Variants in SRPX observed in about 807,000 individuals in gnomAD.
SRPX encodes sushi repeat containing protein X-linked.
Under a neutral mutation model 38.1 loss-of-function variants are expected in SRPX, and 24 were observed. The observed-to-expected ratio is 0.63, with a 90% CI of 0.46 to 0.89. The LOEUF (loss-of-function observed/expected upper bound fraction) is 0.89, where lower values mean the gene tolerates loss of function less well. Ranked by LOEUF, SRPX falls within the 40% of genes least tolerant of loss-of-function variation. SRPX has a pLI of 0.00. For synonymous variants in SRPX, 184 were observed against 153.8 expected, an observed-to-expected ratio of 1.20 and a Z score of -1.45; for missense variants, 416 against 377.8, an observed-to-expected ratio of 1.10 and a Z score of -0.84.
intron 5 of SRPX, among the ~76,000 whole-genome samples, chrX:38,164,183 C>T (rs766010431): frequency 2.2e-4 from 24 of 109,928 alleles, no homozygotes; most frequent in Non-Finnish European, 4.0e-4. Flanking sequence ...CACTCTGTCA[C>T]CCAGGCTGGA....
intron 2 of SRPX, among the ~76,000 whole-genome samples, chrX:38,177,276 A>G (rs748420832): frequency 1.8e-5 from 2 of 111,741 alleles, no homozygotes; most frequent in Non-Finnish European, 3.8e-5. Flanking sequence ...AACTATAGGT[A>G]GGAATGAGTA....
chrX:38,150,983 G>C (rs750171634), intron 9 of SRPX, among the ~76,000 whole-genome samples: 14 of 111,925 alleles, frequency 1.3e-4, no homozygotes, highest in Middle Eastern at 4.6e-3. Context: ...GATTATGTAT[G>C]AGGCAGAATA....
chrX:38,178,183 A>T (rs1938600174), intron 2 of SRPX, 102 bp downstream of exon 2: 3 of 527,351 alleles, frequency 5.7e-6, no homozygotes, highest in Non-Finnish European at 9.2e-6. Context: ...TAGAACTTAA[A>T]TGTGTTGTCT....
intron 1 of SRPX, among the ~76,000 whole-genome samples, chrX:38,212,952 A>G (rs1004839902): frequency 8.9e-6 from 1 of 111,903 alleles, no homozygotes; most frequent in South Asian, 3.8e-4. Flanking sequence ...ATGTGGCCAG[A>G]TGGGGGCCTC....
At chrX:38,185,362 T>C (rs1267418507) in intron 1 of SRPX, among the ~76,000 whole-genome samples, 1 of 111,999 alleles carries the variant, frequency 8.9e-6, no homozygotes, top group Non-Finnish European at 1.9e-5. Flanking sequence ...CCATAGGGTG[T>C]TTATTTGTGG....
intron 1 of SRPX, among the ~76,000 whole-genome samples, chrX:38,210,674 C>A (rs775663360): frequency 8.9e-6 from 1 of 112,519 alleles, no homozygotes; most frequent in Admixed American, 9.4e-5. Context: ...AAAACAGCAA[C>A]CTAGTTTTTA....
chrX:38,181,158 C>G (rs760460993), intron 1 of SRPX, among the ~76,000 whole-genome samples: 1 of 112,218 alleles, frequency 8.9e-6, no homozygotes, highest in Admixed American at 9.5e-5. Context: ...TAGAGCAAGG[C>G]AGACATCTGT....
chrX:38,170,946 A>C (rs1474386419), intron 4 of SRPX, among the ~76,000 whole-genome samples: 1 of 111,856 alleles, frequency 8.9e-6, no homozygotes, highest in Non-Finnish European at 1.9e-5. Flanking sequence ...TATTGAAAGC[A>C]ACATCTGTGA....
At chrX:38,163,895 C>T (rs1938310259) in intron 5 of SRPX, among the ~76,000 whole-genome samples, 1 of 111,595 alleles carries the variant, frequency 9.0e-6, no homozygotes, top group Non-Finnish European at 1.9e-5. Context: ...AGCACAAGAG[C>T]GGCAGCCTTT....
chrX:38,174,367 A>T lies in SRPX; in HGVS notation c.158-16T>A, dbSNP rs1938533485. ...CACGGGGTATCTACAAGTAGCAGAA[A>T]CAAAAGAGGAGATAAATATGAAATG... On this transcript the variant is annotated splice_polypyrimidine_tract_variant and intron_variant, in intron 2 of 9. Coordinates refer to ENST00000378533, the MANE Select transcript of SRPX (RefSeq NM_006307.5). 1.0e-6 allele frequency: 1 copy of T among 1,002,160 alleles called. No individual in the cohort carries two copies. Among genetic ancestry groups the T allele is most frequent in the African/African-American group, 2.0e-5 (1 of 51,028 alleles). The allele number at this position is 1,002,160 out of a possible 1,213,427, so 82.6% of individuals were successfully genotyped here.
At chrX:38,212,642 T>A (rs7883665) in intron 1 of SRPX, among the ~76,000 whole-genome samples, 1 of 110,417 alleles carries the variant, frequency 9.1e-6, no homozygotes, top group Non-Finnish European at 1.9e-5. Flanking sequence ...AGCTTTCTGT[T>A]TTGTTATTTT....
At position 38,151,909 on chromosome X, in the gene SRPX, T is replaced by C. The variant is rs371655866; in HGVS notation, c.1212-2015A>G. 6.3e-5 allele frequency among the ~76,000 whole-genome samples: 7 copies of C among 110,707 alleles called. No homozygotes were observed. In the East Asian group the frequency reaches 2.0e-3, roughly 32 times the overall value. On this transcript the variant is annotated intron_variant, in intron 9 of 9. Coordinates refer to ENST00000378533, the MANE Select transcript of SRPX (RefSeq NM_006307.5). ...CCTTGAGATTGCTGGAAAATTCCTCTGGAAAGCATGAATCAGATCATACCT... is the reference window on the plus strand; with the variant it reads ...CCTTGAGATTGCTGGAAAATTCCTCCGGAAAGCATGAATCAGATCATACCT...
intron 1 of SRPX, among the ~76,000 whole-genome samples, chrX:38,178,884 G>T (rs1315176952): frequency 9.1e-6 from 1 of 110,223 alleles, no homozygotes; most frequent in Non-Finnish European, 1.9e-5. Context: ...AATGAAGGCT[G>T]AAATAGACTA....
At position 38,220,843 on chromosome X, in the gene SRPX, CG is replaced by C. The variant is rs771314486; in HGVS notation, c.-52del. On this transcript the variant is annotated 5_prime_UTR_variant, in exon 1 of 10. Coordinates refer to ENST00000378533, the MANE Select transcript of SRPX (RefSeq NM_006307.5). ...GGCAGCGCAGCGCGCTTCCCGGGGGCGGCAGGAGACCGAAGAGACCAAGGGA... is the reference window on the plus strand; with the variant it reads ...GGCAGCGCAGCGCGCTTCCCGGGGGCGCAGGAGACCGAAGAGACCAAGGGA... 6.6e-6 allele frequency: 7 copies of C among 1,060,982 alleles called. No homozygotes were observed. The East Asian group carries it at 2.7e-4, about 40-fold the overall frequency. 87.4% of individuals were successfully genotyped at this position (1,060,982 alleles called of 1,213,427 possible). A position where few individuals can be genotyped will look rare whatever the true frequency, so the allele number is the denominator to read the frequency against.
Position 38,160,174 on chromosome X carries a change from A to T in SRPX, c.798T>A (p.Asn266Lys). Residue 266 changes from asparagine to lysine, a missense_variant, in exon 7 of 10, where the codon AAT (asparagine) becomes AAA (lysine). Asn to Lys is a moderately conservative substitution (Grantham distance 94, BLOSUM62 0). Coordinates refer to ENST00000378533, the MANE Select transcript of SRPX (RefSeq NM_006307.5). Reference protein sequence around the residue: ...KVRVKRCGKLNAPENGYMKCS... With the variant: ...KVRVKRCGKLKAPENGYMKCS... ...ACTTCATGTAACCATTCTCTGGGGC[A>T]TTGAGTTTGCCACAGCGTTTGACTG... The T allele has an allele frequency of 1.7e-6, 2 of 1,211,875 alleles. No homozygotes were observed. The highest frequency in any genetic ancestry group is 2.2e-6 in the Non-Finnish European group (2 of 895,484).
intron 9 of SRPX, 118 bp downstream of exon 9, chrX:38,154,344 A>G: frequency 3.2e-5 from 27 of 834,118 alleles, no homozygotes; most frequent in Non-Finnish European, 4.5e-5. Flanking sequence ...CCAGAATAAA[A>G]GCAATTAAAC....
chrX:38,169,286 A>C (rs1938422491), intron 4 of SRPX, among the ~76,000 whole-genome samples: 1 of 112,032 alleles, frequency 8.9e-6, no homozygotes, highest in Non-Finnish European at 1.9e-5. Flanking sequence ...TCTTAGCCCT[A>C]CTGATGTTTG....
intron 1 of SRPX, among the ~76,000 whole-genome samples, chrX:38,200,732 C>T (rs1238251706): frequency 2.7e-5 from 3 of 111,843 alleles, no homozygotes; most frequent in Non-Finnish European, 5.6e-5. Context: ...TTAATCTATT[C>T]ATGAAGGCAG....
At position 38,160,067 on chromosome X, in the gene SRPX, C is replaced by G; in HGVS notation, c.905G>C (p.Arg302Pro). ...GGYELQGSPARVCQSNLAWSG... is the reference protein window; with the variant it reads ...GGYELQGSPAPVCQSNLAWSG... ...CCAAGCCAGGTTGGATTGACATACT[C>G]GGGCAGGGCTACCCTGGAGCTCATA... is the stretch of plus-strand genomic sequence containing the variant. The change falls in exon 7 of 10, where the codon CGA becomes CCA. Residue 302 changes from arginine to proline, a missense_variant. Physicochemically the swap from Arg to Pro is moderately radical, Grantham distance 103. Transcript: ENST00000378533. 8.3e-7 allele frequency: 1 copy of G among 1,211,226 alleles called. No individual in the cohort carries two copies.
Sources: gnomAD v4.1 joint callset for allele counts (sites outside exome capture counted in the v4.1 genomes callset) on GRCh38, gnomAD v4.1.1 for gene constraint, MANE v1.5 for transcripts, NCBI Gene and HGNC (gene_info 2026-07-23, HGNC 2026-07-21) for gene names.